The following GRM5 variants were observed in gnomAD, a reference collection of about 807,000 sequenced individuals.
The protein encoded by GRM5 is glutamate metabotropic receptor 5.
In GRM5, 19 loss-of-function variants were observed where a neutral mutation model predicts 83.1. That is an observed-to-expected ratio of 0.23 (90% CI 0.16 to 0.34). The LOEUF (loss-of-function observed/expected upper bound fraction) is 0.34. GRM5 is among the 10% of genes least tolerant of loss of function. The pLI, the probability that GRM5 is intolerant of heterozygous loss-of-function variation, is 1.00. For missense variants in GRM5, 1,160 were observed against 1,588.3 expected (o/e 0.73, Z 4.58); for synonymous variants, 675 against 633.6 (o/e 1.07, Z -0.98).
At chr11:88,643,321 T>A (rs1939349082) in intron 4 of GRM5, among the ~76,000 whole-genome samples, 1 of 152,088 alleles carries the variant, frequency 6.6e-6, no homozygotes, top group African/African-American at 2.4e-5. Context: ...AAGAACAGTC[T>A]CAAGGGGATG....
chr11:88,980,473 T>C (rs1274967699), intron 2 of GRM5, among the ~76,000 whole-genome samples: 2 of 152,094 alleles, frequency 1.3e-5, no homozygotes, highest in African/African-American at 4.8e-5. Flanking sequence ...CCTAAAAAGT[T>C]AGTTTAATTA....
At chr11:88,776,890 C>A (rs1942865165) in intron 3 of GRM5, among the ~76,000 whole-genome samples, 1 of 152,156 alleles carries the variant, frequency 6.6e-6, no homozygotes, top group Admixed American at 6.5e-5. Flanking sequence ...TTCATTTCAA[C>A]CTTGGCAAAT....
At chr11:88,874,073 T>C (rs1835306900) in intron 2 of GRM5, among the ~76,000 whole-genome samples, 1 of 151,818 alleles carries the variant, frequency 6.6e-6, no homozygotes, top group African/African-American at 2.4e-5. Context: ...AGCAATGATA[T>C]TGATTCAGAA....
intron 3 of GRM5, among the ~76,000 whole-genome samples, chr11:88,681,613 C>T (rs1207603099): frequency 2.8e-5 from 2 of 72,406 alleles, no homozygotes; most frequent in Non-Finnish European, 5.8e-5. Context: ...GCTCTGTCAC[C>T]CAGTCTGGAG....
intron 2 of GRM5, among the ~76,000 whole-genome samples, chr11:88,913,024 C>G (rs758551173): frequency 2.0e-5 from 3 of 152,146 alleles, no homozygotes; most frequent in Non-Finnish European, 4.4e-5. Flanking sequence ...AACAAATGCT[C>G]CCTGATTTTT....
chr11:88,782,645 T>C (rs1942995882), intron 3 of GRM5, among the ~76,000 whole-genome samples: 1 of 152,154 alleles, frequency 6.6e-6, no homozygotes, highest in South Asian at 2.1e-4. Context: ...TTATTTAAGA[T>C]TGTCCCTGTT....
Position 88,928,907 on chromosome 11 carries a change from T to TATATATATACACACAC in GRM5, c.662-78753_662-78752insGTGTGTGTATATATAT, listed in dbSNP as rs369951090. The stretch of plus-strand genomic sequence containing the variant: ...GTTTGTACCTATGTGTATGTGTATA[T>TATATATATACACACAC]ACACACACACACACACACACACACA... On this transcript the variant is annotated intron_variant, in intron 2 of 9. Coordinates refer to ENST00000305447, the MANE Select transcript of GRM5 (RefSeq NM_001143831.3). Among the ~76,000 whole-genome samples the TATATATATACACACAC allele has an allele frequency of 6.1e-3, 846 of 138,738 alleles. 12 individuals carry two copies. Among genetic ancestry groups the TATATATATACACACAC allele is most frequent in the East Asian group, 0.023 (112 of 4,776 alleles). The allele number at this position is 138,738 out of a possible 152,430, so 91.0% of individuals were successfully genotyped here.
At chr11:88,629,375 C>T (rs570598449) in intron 4 of GRM5, among the ~76,000 whole-genome samples, 12 of 152,248 alleles carry the variant, frequency 7.9e-5, no homozygotes, top group African/African-American at 2.9e-4. Flanking sequence ...CTGCACCTTA[C>T]CTATCCCACT....
chr11:88,983,017 G>C (rs769228870), intron 2 of GRM5, among the ~76,000 whole-genome samples: 9 of 152,184 alleles, frequency 5.9e-5, no homozygotes, highest in Middle Eastern at 3.2e-3. Context: ...AGTGAGCTGA[G>C]ATCACGCCAC....
intron 1 of GRM5, among the ~76,000 whole-genome samples, chr11:89,050,267 T>C (rs1683212987): frequency 6.6e-6 from 1 of 152,226 alleles, no homozygotes; most frequent in Admixed American, 6.5e-5. Context: ...TGTAATAATA[T>C]ACATTGGTAA....
intron 9 of GRM5, 140 bp from the exon 10 acceptor site, chr11:88,509,644 G>A (rs1591310480): frequency 1.6e-6 from 1 of 628,654 alleles, no homozygotes; most frequent in East Asian, 3.1e-5. Context: ...GCATCAAAAG[G>A]ACATCATGGA....
intron 2 of GRM5, among the ~76,000 whole-genome samples, chr11:88,905,769 A>G (rs1945392770): frequency 1.3e-5 from 2 of 152,120 alleles, no homozygotes; most frequent in African/African-American, 4.8e-5. Context: ...GACATTTCTG[A>G]GTCTCCTACT....
chr11:88,793,592 T>C lies in GRM5; in HGVS notation c.911+56314A>G, dbSNP rs372892777. Among the ~76,000 whole-genome samples, 38 of 152,310 alleles carry C rather than the reference T, an allele frequency of 2.5e-4. No homozygotes were observed. The East Asian group carries it at 4.8e-3, about 19-fold the overall frequency. ...TAATTAGATCTAAGAATAACATTCC[T>C]AATGTGGATATAAAAATTAAGATGT... On this transcript the variant is annotated intron_variant, in intron 3 of 9. Coordinates refer to ENST00000305447, the MANE Select transcript of GRM5 (RefSeq NM_001143831.3).
chr11:88,652,396 T>C (rs183633935), intron 4 of GRM5, among the ~76,000 whole-genome samples: 14 of 152,204 alleles, frequency 9.2e-5, no homozygotes, highest in African/African-American at 2.6e-4. Flanking sequence ...ACCTGGTTAT[T>C]AGAATCAAGA....
intron 3 of GRM5, among the ~76,000 whole-genome samples, chr11:88,845,000 G>T (rs1452544174): frequency 1.3e-5 from 2 of 152,196 alleles, no homozygotes; most frequent in Admixed American, 6.5e-5. Flanking sequence ...TGACAACAAA[G>T]AATTTAGAAT....
In GRM5 at chr11:88,954,702, C is replaced by T. The variant is rs973069801; in HGVS notation, c.661+92510G>A. Reference sequence around the variant, plus strand: ...TTAAGAAACCACATGTGGCTAGTAGCCACTGTAGTAGACAGCACAGCTCTA... The same window carrying T: ...TTAAGAAACCACATGTGGCTAGTAGTCACTGTAGTAGACAGCACAGCTCTA... On this transcript the variant is annotated intron_variant, in intron 2 of 9. Transcript: ENST00000305447. Among the ~76,000 whole-genome samples, 113 of 152,100 alleles carry T rather than the reference C, an allele frequency of 7.4e-4. 2 individuals are homozygous for T. Among genetic ancestry groups the T allele is most frequent in the African/African-American group, 2.7e-3 (111 of 41,416 alleles).
At chr11:88,549,311 A>G (rs1942451984) in intron 8 of GRM5, among the ~76,000 whole-genome samples, 1 of 151,952 alleles carries the variant, frequency 6.6e-6, no homozygotes, top group Non-Finnish European at 1.5e-5. Context: ...CAAAAAATAC[A>G]AAAATTAGCC....
intron 3 of GRM5, among the ~76,000 whole-genome samples, chr11:88,717,778 A>G (rs1454569534): frequency 6.6e-6 from 1 of 151,876 alleles, no homozygotes; most frequent in African/African-American, 2.4e-5. Context: ...ACATTGAAAC[A>G]TTCACATTTT....
At position 88,509,357 on chromosome 11, in the gene GRM5, G is replaced by T. The variant is rs1050744837; in HGVS notation, c.2874C>A (p.Ser958Arg). The change falls in exon 10 of 10, where the codon AGC (serine) becomes AGA (arginine). Residue 958 changes from serine to arginine, a missense_variant. Transcript: ENST00000305447. ...VIKPFPKSTE[S>R]RGLGAGAGAG... Reference sequence around the variant, plus strand: ...CGCCAGCGCCAGCGCCCAGGCCACGGCTCTCCGTGCTCTTGGGGAAGGGCT... The same window carrying T: ...CGCCAGCGCCAGCGCCCAGGCCACGTCTCTCCGTGCTCTTGGGGAAGGGCT... The T allele has an allele frequency of 6.2e-7, 1 of 1,610,852 alleles. No individual in the cohort carries two copies. The highest frequency in any genetic ancestry group is 1.7e-5 in the Admixed American group (1 of 59,910).
Sources: allele counts gnomAD v4.1 joint callset (sites outside exome capture counted in the v4.1 genomes callset), GRCh38; gene constraint gnomAD v4.1.1; transcripts MANE v1.5; gene names NCBI Gene and HGNC (gene_info 2026-07-23, HGNC 2026-07-21).